Variants in LSAMP observed in about 807,000 individuals in gnomAD.
LSAMP encodes limbic system-associated membrane protein.
A neutral mutation model predicts 38.6 loss-of-function variants in LSAMP; 7 were observed. The ratio of observed to expected loss-of-function variants is 0.18; its 90% confidence interval spans 0.10 to 0.34. The LOEUF (loss-of-function observed/expected upper bound fraction) is 0.34. Ranked by LOEUF, LSAMP falls within the 10% of genes least tolerant of loss-of-function variation. The probability of loss-of-function intolerance (pLI) is 1.00; values close to 1 mark genes in which losing one functional copy is unlikely to be tolerated. For synonymous variants in LSAMP, 154 were observed against 166.8 expected, an observed-to-expected ratio of 0.92 and a Z score of 0.59; for missense variants, 313 against 420.0, an observed-to-expected ratio of 0.75 and a Z score of 2.23.
intron 3 of LSAMP, among the ~76,000 whole-genome samples, chr3:116,017,745 TG>T (rs1166138689): frequency 1.3e-5 from 2 of 152,112 alleles, no homozygotes; most frequent in African/African-American, 4.8e-5. Context: ...GTAGAGATAT[TG>T]AAAAACAAAA....
intron 1 of LSAMP, among the ~76,000 whole-genome samples, chr3:116,273,983 T>C (rs937615554): frequency 6.6e-6 from 1 of 151,898 alleles, no homozygotes. Flanking sequence ...GATTCTCCAC[T>C]GCTTCCTATC....
At chr3:115,980,976 C>T (rs977064099) in intron 3 of LSAMP, among the ~76,000 whole-genome samples, 1 of 152,080 alleles carries the variant, frequency 6.6e-6, no homozygotes, top group Non-Finnish European at 1.5e-5. Flanking sequence ...CTGGTGATAA[C>T]CAGAGCTTAG....
chr3:116,196,374 A>C (rs941800969), intron 1 of LSAMP, among the ~76,000 whole-genome samples: 3 of 152,200 alleles, frequency 2.0e-5, no homozygotes, highest in African/African-American at 7.2e-5. Flanking sequence ...TACAGTGTCC[A>C]ACTATCAATA....
intron 3 of LSAMP, among the ~76,000 whole-genome samples, chr3:115,956,756 G>T (rs1446476393): frequency 2.0e-5 from 3 of 152,134 alleles, no homozygotes; most frequent in Non-Finnish European, 2.9e-5. Context: ...CCAAATAAGA[G>T]ATATCAGCAT....
intron 1 of LSAMP, among the ~76,000 whole-genome samples, chr3:116,337,341 A>G (rs2047933276): frequency 6.6e-6 from 1 of 152,020 alleles, no homozygotes; most frequent in East Asian, 1.9e-4. Context: ...GACACAATAA[A>G]AAACCTAGGG....
chr3:116,160,491 A>C (rs1709862638), intron 1 of LSAMP, among the ~76,000 whole-genome samples: 1 of 151,592 alleles, frequency 6.6e-6, no homozygotes, highest in African/African-American at 2.4e-5. Flanking sequence ...GGAGAGGAAA[A>C]GAGAAGAGAA....
At chr3:116,263,011 A>T (rs756284937) in intron 1 of LSAMP, among the ~76,000 whole-genome samples, 3 of 152,168 alleles carry the variant, frequency 2.0e-5, no homozygotes, top group Non-Finnish European at 4.4e-5. Context: ...TTTTATTTCT[A>T]TGGGTTGAGC....
intron 1 of LSAMP, among the ~76,000 whole-genome samples, chr3:116,300,381 G>C (rs1296605334): frequency 6.6e-6 from 1 of 152,154 alleles, no homozygotes; most frequent in African/African-American, 2.4e-5. Flanking sequence ...AGAAAGCACT[G>C]GGCAAGTGTT....
chr3:116,427,282 G>A (rs2049212538), intron 1 of LSAMP, among the ~76,000 whole-genome samples: 1 of 151,132 alleles, frequency 6.6e-6, no homozygotes, highest in Admixed American at 6.6e-5. Flanking sequence ...CACCGCGCCC[G>A]GCTAATTTTT....
At position 116,164,196 on chromosome 3, in the gene LSAMP, T is replaced by G. The variant is rs144129773; in HGVS notation, c.156-77640A>C. Among the ~76,000 whole-genome samples the G allele has an allele frequency of 2.1e-3, 327 of 152,220 alleles. 2 individuals carry two copies. The highest frequency in any genetic ancestry group is 7.5e-3 in the African/African-American group (312 of 41,556). ...TTAAATTCCTGTCCTATTTATTGAT[T>G]CAAAATGCAGTTAGAAAGAAGTGTC... On this transcript the variant is annotated intron_variant, in intron 1 of 6. Transcript: ENST00000490035.
chr3:116,008,842 A>G (rs1434688484), intron 3 of LSAMP, among the ~76,000 whole-genome samples: 6 of 152,148 alleles, frequency 3.9e-5, no homozygotes, highest in Admixed American at 3.9e-4. Flanking sequence ...CCTGTAGTCC[A>G]GGGCTTTTCA....
At chr3:115,826,019 T>C (rs1440083436) in intron 6 of LSAMP, among the ~76,000 whole-genome samples, 1 of 152,220 alleles carries the variant, frequency 6.6e-6, no homozygotes, top group Non-Finnish European at 1.5e-5. Context: ...AGTGGATCCC[T>C]GTGAGTTAAG....
chr3:116,184,475 T>A (rs1710564003), intron 1 of LSAMP, among the ~76,000 whole-genome samples: 2 of 151,860 alleles, frequency 1.3e-5, no homozygotes, highest in Non-Finnish European at 2.9e-5. Flanking sequence ...GGTAACTGAG[T>A]GAGGTATAGA....
rs756546767 is a variant in LSAMP at position 116,019,523 on chromosome 3, G to A, written c.506C>T (p.Thr169Ile). Reference sequence around the variant, plus strand: ...CCTGGAGTATTGCTTACCAGTTGGTGTAAGGTGTCTCCAGGTGATAACAGG... The same window carrying A: ...CCTGGAGTATTGCTTACCAGTTGGTATAAGGTGTCTCCAGGTGATAACAGG... Reference protein sequence around the residue: ...PEPVITWRHLTPTGREFEGEE... With the variant: ...PEPVITWRHLIPTGREFEGEE... Residue 169 changes from threonine (T) to isoleucine (I), a missense_variant, in exon 3 of 7, where the codon ACA becomes ATA. Physicochemically the swap from Thr to Ile is moderately conservative, Grantham distance 89. Transcript: ENST00000490035. The A allele has an allele frequency of 1.2e-6, 2 of 1,611,938 alleles. No homozygotes were observed. Among genetic ancestry groups the A allele is most frequent in the Admixed American group, 1.7e-5 (1 of 59,956 alleles).
intron 4 of LSAMP, among the ~76,000 whole-genome samples, chr3:115,848,013 A>G (rs752328622): frequency 6.6e-6 from 1 of 151,758 alleles, no homozygotes; most frequent in Non-Finnish European, 1.5e-5. Flanking sequence ...CTGGGTTGTT[A>G]CTGAATATTT....
intron 2 of LSAMP, among the ~76,000 whole-genome samples, chr3:116,068,632 T>C (rs1188489314): frequency 6.6e-6 from 1 of 151,564 alleles, no homozygotes; most frequent in Non-Finnish European, 1.5e-5. Context: ...TTACAAAGAT[T>C]TGCTTCATCT....
chr3:116,107,820 T>C (rs566583246), intron 1 of LSAMP, among the ~76,000 whole-genome samples: 1 of 151,976 alleles, frequency 6.6e-6, no homozygotes, highest in Non-Finnish European at 1.5e-5. Context: ...AACAGAATAA[T>C]GGATTGTGGA....
chr3:115,805,022 CTG>C lies in LSAMP; in HGVS notation c.*5293_*5294del, dbSNP rs1933599457. The C allele has an allele frequency of 6.6e-6, 1 of 152,142 alleles. No homozygotes were observed. The highest frequency in any genetic ancestry group is 2.4e-5 in the African/African-American group (1 of 41,436). The allele number at this position is 152,142 out of a possible 1,614,324, so 9.4% of individuals were successfully genotyped here. On this transcript the variant is annotated 3_prime_UTR_variant, in exon 7 of 7. Coordinates refer to ENST00000490035, the MANE Select transcript of LSAMP (RefSeq NM_002338.5). ...GCTTTTGTTGAATGGAAAATAAAAA[CTG>C]AGTAATATTTTGCTCATCAAGGTTT...
intron 2 of LSAMP, among the ~76,000 whole-genome samples, chr3:116,061,025 A>G (rs1004510142): frequency 6.6e-6 from 1 of 152,270 alleles, no homozygotes; most frequent in Non-Finnish European, 1.5e-5. Context: ...ATCATCCTCA[A>G]GTTGCCAGGG....
Sources: gnomAD v4.1 joint callset for allele counts (sites outside exome capture counted in the v4.1 genomes callset) on GRCh38, gnomAD v4.1.1 for gene constraint, MANE v1.5 for transcripts, NCBI Gene and HGNC (gene_info 2026-07-23, HGNC 2026-07-21) for gene names.